Variants in GRIP2 observed in about 807,000 individuals in gnomAD.
The protein encoded by GRIP2 is glutamate receptor-interacting protein 2.
GRIP2 carries 58 observed loss-of-function variants against 108.3 expected under a neutral mutation model. That is an observed-to-expected ratio of 0.54 (90% CI 0.43 to 0.67). The LOEUF is 0.67. Among genes scored for constraint, GRIP2 ranks in the 30% least tolerant of loss-of-function variants. The pLI, the probability that GRIP2 is intolerant of heterozygous loss-of-function variation, is 0.00. For missense variants in GRIP2, 1,278 were observed against 1,430.6 expected, an observed-to-expected ratio of 0.89 and a Z score of 1.72; for synonymous variants, 586 against 598.2, an observed-to-expected ratio of 0.98 and a Z score of 0.30.
chr3:14,493,152 C>A lies in GRIP2; in HGVS notation c.*513G>T, dbSNP rs1236321868. On this transcript the variant is annotated 3_prime_UTR_variant, in exon 24 of 24. Transcript: ENST00000621039. ...AAGTGGCTCCCCATCAGGAAGCCAA[C>A]CCCCAAGCGCGTGTGCACGCATCAT... 1 of 152,870 alleles carries A rather than the reference C, an allele frequency of 6.5e-6. No individual in the cohort carries two copies. Among genetic ancestry groups the A allele is most frequent in the Non-Finnish European group, 1.5e-5 (1 of 68,504 alleles). 9.5% of individuals were successfully genotyped at this position (152,870 alleles called of 1,614,324 possible).
intron 17 of GRIP2, among the ~76,000 whole-genome samples, chr3:14,508,991 G>A (rs1479588184): frequency 1.3e-5 from 2 of 152,190 alleles, no homozygotes; most frequent in Admixed American, 6.5e-5. Context: ...CAGGCACACA[G>A]CAGGTGCCCA....
At chr3:14,539,710 G>A (rs1420787004) in intron 1 of GRIP2, among the ~76,000 whole-genome samples, 2 of 152,152 alleles carry the variant, frequency 1.3e-5, no homozygotes, top group African/African-American at 4.8e-5. Flanking sequence ...CCCAGCCTCA[G>A]CACACCCAGG....
chr3:14,598,085 C>G, the GRIP2 span, among the ~76,000 whole-genome samples: 15 of 152,072 alleles, frequency 9.9e-5, no homozygotes, highest in African/African-American at 3.6e-4. Flanking sequence ...GTGTATGCAC[C>G]CACGCACTGG....
the GRIP2 span, among the ~76,000 whole-genome samples, chr3:14,579,112 C>T: frequency 2.0e-5 from 3 of 152,328 alleles, no homozygotes; most frequent in East Asian, 5.8e-4. Context: ...GGTACATCCA[C>T]TCCCCGGAAG....
intron 1 of GRIP2, among the ~76,000 whole-genome samples, chr3:14,550,196 G>A (rs1285840420): frequency 6.6e-6 from 1 of 152,086 alleles, no homozygotes; most frequent in African/African-American, 2.4e-5. Flanking sequence ...CAGCCTCCCC[G>A]CCTCCCATTC....
intron 21 of GRIP2, among the ~76,000 whole-genome samples, chr3:14,498,869 T>G (rs1479824081): frequency 6.6e-6 from 1 of 152,220 alleles, no homozygotes; most frequent in African/African-American, 2.4e-5. Flanking sequence ...GGAGTGGAAC[T>G]GTCTGGCTTA....
chr3:14,562,863 T>C, the GRIP2 span, among the ~76,000 whole-genome samples: 1 of 152,222 alleles, frequency 6.6e-6, no homozygotes, highest in African/African-American at 2.4e-5. Flanking sequence ...GATTCTTTCC[T>C]GCAAAATTGG....
At chr3:14,591,620 T>A in the GRIP2 span, among the ~76,000 whole-genome samples, 1 of 152,186 alleles carries the variant, frequency 6.6e-6, no homozygotes, top group East Asian at 1.9e-4. Flanking sequence ...TCCTCAGAGT[T>A]CTATAGACTC....
intron 1 of GRIP2, among the ~76,000 whole-genome samples, chr3:14,550,833 A>G (rs1450106036): frequency 6.6e-6 from 1 of 152,186 alleles, no homozygotes; most frequent in Non-Finnish European, 1.5e-5. Flanking sequence ...AGGAGCAAGG[A>G]TCTTGCCCAA....
At chr3:14,580,194 A>G in the GRIP2 span, among the ~76,000 whole-genome samples, 11,896 of 152,178 alleles carry the variant, frequency 0.078, 1,521 homozygotes, top group African/African-American at 0.27. Flanking sequence ...ATTTACAAGT[A>G]GTCCATGGAG....
chr3:14,525,332 C>A, intron 3 of GRIP2, 105 bp downstream of exon 3: 3 of 1,381,606 alleles, frequency 2.2e-6, no homozygotes, highest in Non-Finnish European at 3.0e-6. Context: ...GAAACAGCTG[C>A]CTGATTGCTT....
chr3:14,595,660 C>T, the GRIP2 span, among the ~76,000 whole-genome samples: 1 of 152,248 alleles, frequency 6.6e-6, no homozygotes, highest in South Asian at 2.1e-4. Flanking sequence ...CTTGGTGTGG[C>T]CCTGTGGGTG....
the GRIP2 span, among the ~76,000 whole-genome samples, chr3:14,592,160 G>A: frequency 1.3e-5 from 2 of 152,214 alleles, no homozygotes; most frequent in African/African-American, 2.4e-5. Context: ...CTCCACACTC[G>A]GGCCTGTCCT....
Position 14,502,503 on chromosome 3 carries a change from A to G in GRIP2, c.2679+1063T>C, listed in dbSNP as rs1015670501. On this transcript the variant is annotated intron_variant, in intron 21 of 23. Coordinates refer to ENST00000621039, the MANE Select transcript of GRIP2 (RefSeq NM_001080423.4). ...AGTGAGACTCTGTCTCAAAAAAAAA[A>G]AGAGAGAGAGAGAGAGAAAATAACC... 8.6e-5 allele frequency among the ~76,000 whole-genome samples: 13 copies of G among 151,642 alleles called. No homozygotes were observed. In the East Asian group the frequency reaches 1.9e-3, roughly 23 times the overall value.
intron 1 of GRIP2, among the ~76,000 whole-genome samples, chr3:14,538,185 G>A (rs1694878643): frequency 6.6e-6 from 1 of 152,162 alleles, no homozygotes; most frequent in African/African-American, 2.4e-5. Flanking sequence ...GACGCACACT[G>A]CCAGTGGGCT....
At chr3:14,573,556 A>G in the GRIP2 span, 1 of 1,448,864 alleles carries the variant, frequency 6.9e-7, no homozygotes, top group Non-Finnish European at 9.7e-7. Context: ...TCATGGAAAT[A>G]GCCCCTCATG....
In GRIP2 at chr3:14,489,401, C is replaced by T. The variant is rs781640715; in HGVS notation, c.*4264G>A. 2.0e-4 allele frequency: 30 copies of T among 152,546 alleles called. No individual in the cohort carries two copies. Among genetic ancestry groups the T allele is most frequent in the African/African-American group, 4.8e-4 (20 of 41,418 alleles). The allele number at this position is 152,546 out of a possible 1,614,324, so 9.4% of individuals were successfully genotyped here. On this transcript the variant is annotated 3_prime_UTR_variant, in exon 24 of 24. Transcript: ENST00000621039. ...TATTTCCCCCTCAACGTTTGCCAAA[C>T]GCTTTACATTTTATAAAGGGCTTCC...
chr3:14,540,025 G>A lies in GRIP2; in HGVS notation c.40+244C>T, dbSNP rs114509164. 0.014 allele frequency among the ~76,000 whole-genome samples: 2,152 copies of A among 152,178 alleles called. 28 individuals carry two copies. Among genetic ancestry groups the A allele is most frequent in the Middle Eastern group, 0.068 (20 of 294 alleles). The stretch of plus-strand genomic sequence containing the variant: ...CACTGCCCTCGGAACCTCCAGACCC[G>A]CCTGTTCTGCCTGCCTGTGCTGGAC... On this transcript the variant is annotated intron_variant, in intron 1 of 23. Coordinates refer to ENST00000621039, the MANE Select transcript of GRIP2 (RefSeq NM_001080423.4). This position sits in a 1 kb window ranked among gnomAD's most constrained non-coding sequence, Gnocchi z 4.1.
At chr3:14,567,520 T>G in the GRIP2 span, among the ~76,000 whole-genome samples, 1 of 152,122 alleles carries the variant, frequency 6.6e-6, no homozygotes, top group South Asian at 2.1e-4. Flanking sequence ...TTCAGGATGA[T>G]GCCACCACTC....
Sources: allele counts gnomAD v4.1 joint callset (sites outside exome capture counted in the v4.1 genomes callset), GRCh38; gene constraint gnomAD v4.1.1; non-coding constraint Gnocchi (gnomAD v3.1); transcripts MANE v1.5; gene names NCBI Gene and HGNC (gene_info 2026-07-23, HGNC 2026-07-21).